CDS2: variants seen among roughly 807,000 people sequenced by gnomAD.
CDS2 encodes phosphatidate cytidylyltransferase 2.
A neutral mutation model predicts 59.0 loss-of-function variants in CDS2; 47 were observed. That is an observed-to-expected ratio of 0.80 (90% CI 0.63 to 1.02). The LOEUF (loss-of-function observed/expected upper bound fraction) is 1.02. CDS2 is among the 50% of genes least tolerant of loss of function. The pLI, the probability that CDS2 is intolerant of heterozygous loss-of-function variation, is 0.00. For missense variants in CDS2, 356 were observed against 558.9 expected (o/e 0.64, Z 3.66); for synonymous variants, 207 against 206.4 (o/e 1.00, Z -0.02).
In CDS2 at chr20:5,185,782, G is replaced by A; in HGVS notation, c.784G>A (p.Gly262Ser). The change falls in exon 9 of 13, where the codon GGC (glycine) becomes AGC (serine). Residue 262 changes from glycine to serine, a missense_variant. Around this residue, in one of 5 missense-constraint regions of CDS2, gnomAD observed 88 missense variants for 103.6 expected, o/e 0.85. Transcript: ENST00000460006. ...IKLSPKKTWE[G>S]FIGGFFATVV... is the part of the protein sequence containing the mutation. ...GCTGTCCCCGAAGAAGACCTGGGAA[G>A]GCTTCATTGGGGGCTTCTTTGCTAC... The A allele has an allele frequency of 6.2e-7, 1 of 1,614,228 alleles. No individual in the cohort carries two copies. Among genetic ancestry groups the A allele is most frequent in the Non-Finnish European group, 8.5e-7 (1 of 1,180,026 alleles).
intron 1 of CDS2, among the ~76,000 whole-genome samples, chr20:5,151,485 G>T (rs1456259958): frequency 6.6e-6 from 1 of 152,154 alleles, no homozygotes; most frequent in East Asian, 1.9e-4. Flanking sequence ...TGATCAGTGG[G>T]CAAGGTGGTA....
chr20:5,131,807 A>G (rs1027394219), intron 1 of CDS2, among the ~76,000 whole-genome samples: 1 of 152,244 alleles, frequency 6.6e-6, no homozygotes, highest in African/African-American at 2.4e-5. Context: ...CAGTTTGTCC[A>G]TCATTAAAAT....
intron 1 of CDS2, 92 bp downstream of exon 1, chr20:5,127,241 G>A: frequency 8.5e-7 from 1 of 1,172,316 alleles, no homozygotes; most frequent in East Asian, 3.2e-5. Flanking sequence ...CTTGTTCTCT[G>A]ACCCTTTGTC....
intron 1 of CDS2, chr20:5,168,621 G>C (rs2123030423): frequency 1.9e-6 from 1 of 518,506 alleles, no homozygotes; most frequent in African/African-American, 1.9e-5. Context: ...GTGGGCCCCT[G>C]GCACCAAGTG....
chr20:5,157,769 C>G (rs993137842), intron 1 of CDS2, among the ~76,000 whole-genome samples: 1 of 152,102 alleles, frequency 6.6e-6, no homozygotes, highest in Non-Finnish European at 1.5e-5. Context: ...GCCTCATGAC[C>G]TAATCACCTT....
chr20:5,149,522 A>T (rs1405906501), intron 1 of CDS2, among the ~76,000 whole-genome samples: 1 of 152,002 alleles, frequency 6.6e-6, no homozygotes, highest in Non-Finnish European at 1.5e-5. Context: ...GAAGGGCCTT[A>T]GTCCTCCTCT....
At chr20:5,153,511 G>T (rs1457986625) in intron 1 of CDS2, among the ~76,000 whole-genome samples, 1 of 152,116 alleles carries the variant, frequency 6.6e-6, no homozygotes, top group Non-Finnish European at 1.5e-5. Context: ...GACCCGGTAG[G>T]TCTCAACCTA....
intron 8 of CDS2, 134 bp from the exon 9 acceptor site, chr20:5,185,624 T>C (rs552019626): frequency 1.4e-5 from 10 of 697,262 alleles, no homozygotes; most frequent in Middle Eastern, 2.5e-4. Flanking sequence ...AAACCATATT[T>C]GGGGGAGCTT....
chr20:5,132,999 C>A (rs2090619832), intron 1 of CDS2, among the ~76,000 whole-genome samples: 2 of 147,460 alleles, frequency 1.4e-5, no homozygotes, highest in South Asian at 4.2e-4. Flanking sequence ...GGCAAAACCC[C>A]TTCTCTACTA....
chr20:5,195,052 G>A lies in CDS2; in HGVS notation c.*4818G>A, dbSNP rs560767797. 2 of 152,252 alleles carry A rather than the reference G, an allele frequency of 1.3e-5. No homozygotes were observed. Among genetic ancestry groups the A allele is most frequent in the East Asian group, 3.9e-4 (2 of 5,176 alleles). The allele number at this position is 152,252 out of a possible 1,614,324, so 9.4% of individuals were successfully genotyped here. ...TTGGGATCAAATCACCCTAGGTGCG[G>A]GCAGGTTTCTAGGCTGCTCTAAGCT... On this transcript the variant is annotated 3_prime_UTR_variant, in exon 13 of 13. Coordinates refer to ENST00000460006, the MANE Select transcript of CDS2 (RefSeq NM_003818.4).
At chr20:5,130,948 G>A (rs544329332) in intron 1 of CDS2, among the ~76,000 whole-genome samples, 1 of 152,082 alleles carries the variant, frequency 6.6e-6, no homozygotes, top group East Asian at 1.9e-4. Flanking sequence ...AAAATTAGCC[G>A]GGCGTGGTGG....
intron 5 of CDS2, among the ~76,000 whole-genome samples, chr20:5,181,454 C>T (rs928810722): frequency 4.6e-5 from 7 of 151,992 alleles, no homozygotes; most frequent in African/African-American, 1.2e-4. Context: ...GAGTTTGGGG[C>T]GAGTCTGTGG....
intron 1 of CDS2, among the ~76,000 whole-genome samples, chr20:5,149,847 C>G (rs577511388): frequency 3.9e-5 from 6 of 152,250 alleles, no homozygotes; most frequent in African/African-American, 1.4e-4. Context: ...TCCTGAGTAG[C>G]TGGGATTACA....
chr20:5,141,476 C>A (rs1202149128), intron 1 of CDS2, among the ~76,000 whole-genome samples: 3 of 152,196 alleles, frequency 2.0e-5, no homozygotes, highest in South Asian at 2.1e-4. Context: ...CCCAGCTCCA[C>A]TGGGACAGAA....
At chr20:5,132,384 C>T (rs1323079088) in intron 1 of CDS2, among the ~76,000 whole-genome samples, 2 of 152,190 alleles carry the variant, frequency 1.3e-5, no homozygotes, top group Admixed American at 6.5e-5. Context: ...AGGCGTGAGC[C>T]ACCGCGCCCG....
At chr20:5,185,463 T>C (rs2091060590) in intron 8 of CDS2, among the ~76,000 whole-genome samples, 1 of 152,174 alleles carries the variant, frequency 6.6e-6, no homozygotes, top group African/African-American at 2.4e-5. Context: ...ATTTATATAA[T>C]CTTTTTTGGG....
intron 8 of CDS2, 72 bp from the exon 9 acceptor site, chr20:5,185,686 A>G (rs1439429483): frequency 4.5e-6 from 6 of 1,343,960 alleles, no homozygotes; most frequent in Non-Finnish European, 6.4e-6. Context: ...AAGGTTCTTA[A>G]CAAGTAATCA....
intron 1 of CDS2, among the ~76,000 whole-genome samples, chr20:5,139,610 G>A (rs2090676985): frequency 6.6e-6 from 1 of 152,148 alleles, no homozygotes; most frequent in Non-Finnish European, 1.5e-5. Context: ...TAAGATTGGT[G>A]AAAGTGGACA....
chr20:5,133,053 C>T (rs2090620738), intron 1 of CDS2, among the ~76,000 whole-genome samples: 1 of 150,864 alleles, frequency 6.6e-6, no homozygotes, highest in Non-Finnish European at 1.5e-5. Flanking sequence ...CGCCCGTAGT[C>T]CCAGCTACTC....
Sources: gnomAD v4.1 joint callset for allele counts (sites outside exome capture counted in the v4.1 genomes callset) on GRCh38, gnomAD v4.1.1 for gene constraint, gnomAD v4.1.1 regional missense constraint, MANE v1.5 for transcripts, NCBI Gene and HGNC (gene_info 2026-07-23, HGNC 2026-07-21) for gene names.